LIMCH1: variants seen among roughly 807,000 people sequenced by gnomAD.
The protein encoded by LIMCH1 is LIM and calponin homology domains-containing protein 1.
A neutral mutation model predicts 176.5 loss-of-function variants in LIMCH1; 113 were observed. The ratio of observed to expected loss-of-function variants is 0.64; its 90% confidence interval spans 0.55 to 0.75. The LOEUF (loss-of-function observed/expected upper bound fraction) is 0.75, where lower values mean the gene tolerates loss of function less well. Among genes scored for constraint, LIMCH1 ranks in the 30% least tolerant of loss-of-function variants. LIMCH1 has a pLI of 0.00. For synonymous variants in LIMCH1, 619 were observed against 645.9 expected (o/e 0.96, Z 0.63); for missense variants, 1,674 against 1,814.9 (o/e 0.92, Z 1.41).
chr4:41,524,320 A>T lies in LIMCH1; in HGVS notation c.168-89A>T, dbSNP rs980991018. ...TTTAAATTCACTGCTTTTCCTATCC[A>T]GCAATTTAGCTGTAGCCCCGGATAA... On this transcript the variant is annotated intron_variant, in intron 2 of 26. Coordinates refer to the LIMCH1 transcript ENST00000313860. 2.8e-5 allele frequency: 27 copies of T among 962,760 alleles called. No homozygotes were observed. The African/African-American group carries it at 4.0e-4, about 14-fold the overall frequency. 59.6% of individuals were successfully genotyped at this position (962,760 alleles called of 1,614,324 possible).
intron 22 of LIMCH1, among the ~76,000 whole-genome samples, chr4:41,673,845 G>A (rs2095130771): frequency 6.6e-6 from 1 of 152,170 alleles, no homozygotes; most frequent in African/African-American, 2.4e-5. Flanking sequence ...TGGGTTAAAT[G>A]CTGTCCATTC....
At chr4:41,367,149 CAT>C (rs894859115) in intron 1 of LIMCH1, among the ~76,000 whole-genome samples, 6 of 152,146 alleles carry the variant, frequency 3.9e-5, no homozygotes, top group Non-Finnish European at 7.3e-5. Flanking sequence ...CCTGTCCTGA[CAT>C]GTGGGGATTA....
intron 1 of LIMCH1, among the ~76,000 whole-genome samples, chr4:41,441,844 A>T (rs193050334): frequency 5.3e-5 from 8 of 152,318 alleles, no homozygotes; most frequent in Admixed American, 2.6e-4. Context: ...GGTATAAGCA[A>T]TATTAATTTT....
intron 3 of LIMCH1, among the ~76,000 whole-genome samples, chr4:41,530,787 C>T (rs2077177308): frequency 9.6e-6 from 1 of 104,586 alleles, no homozygotes; most frequent in Admixed American, 9.2e-5. Context: ...AAGAGCGAAA[C>T]CCCGCCTAAA....
At chr4:41,628,554 A>G (rs1052615290) in intron 8 of LIMCH1, among the ~76,000 whole-genome samples, 6 of 152,188 alleles carry the variant, frequency 3.9e-5, no homozygotes, top group African/African-American at 1.4e-4. Context: ...TCAAGGTAAC[A>G]AAAGACTACC....
chr4:41,607,968 CAGTT>C (rs1211319522), intron 4 of LIMCH1, among the ~76,000 whole-genome samples: 1 of 152,144 alleles, frequency 6.6e-6, no homozygotes, highest in African/African-American at 2.4e-5. Flanking sequence ...CTCATTTTGT[CAGTT>C]AGGATCGGGT....
At chr4:41,456,545 G>C (rs780543831) in intron 1 of LIMCH1, among the ~76,000 whole-genome samples, 1 of 152,136 alleles carries the variant, frequency 6.6e-6, no homozygotes, top group Non-Finnish European at 1.5e-5. Flanking sequence ...TGACAGAGAC[G>C]CTAAGGCAGA....
intron 1 of LIMCH1, chr4:41,551,409 T>C (rs2080400993): frequency 6.6e-6 from 1 of 152,202 alleles, no homozygotes; most frequent in Admixed American, 6.5e-5. Context: ...AGACTTGCTT[T>C]TCTTTATATA....
At position 41,606,951 on chromosome 4, in the gene LIMCH1, A is replaced by G. The variant is rs1298264934; in HGVS notation, c.9+947A>G. Among the ~76,000 whole-genome samples the G allele has an allele frequency of 3.3e-5, 5 of 152,234 alleles. No individual in the cohort carries two copies. The South Asian group carries it at 6.2e-4, about 19-fold the overall frequency. On this transcript the variant is annotated intron_variant, in intron 4 of 31. Transcript: ENST00000503057. ...GTAGCTGGGATTATAGGCAGCCACC[A>G]CTAAGCCTGGCTAATTTTTGTATTT... is the stretch of plus-strand genomic sequence containing the variant.
chr4:41,399,406 T>C (rs569650539), intron 1 of LIMCH1, among the ~76,000 whole-genome samples: 1 of 152,226 alleles, frequency 6.6e-6, no homozygotes, highest in East Asian at 1.9e-4. Context: ...AGTAAGGAGA[T>C]GGAAGAAGTT....
At chr4:41,689,390 C>T (rs554659167) in intron 29 of LIMCH1, 137 bp from the exon 30 acceptor site, 1 of 552,310 alleles carries the variant, frequency 1.8e-6, no homozygotes, top group South Asian at 2.1e-5. Context: ...ATCATCAGTT[C>T]TGTCATTCTC....
chr4:41,597,371 T>C (rs1225605705), intron 1 of LIMCH1, among the ~76,000 whole-genome samples: 1 of 152,208 alleles, frequency 6.6e-6, no homozygotes, highest in African/African-American at 2.4e-5. Flanking sequence ...TAATGCATGG[T>C]GAATAATAAG....
At chr4:41,399,967 C>T (rs1463468756) in intron 1 of LIMCH1, among the ~76,000 whole-genome samples, 5 of 149,080 alleles carry the variant, frequency 3.4e-5, no homozygotes. Flanking sequence ...CAGGCGTGAG[C>T]CACCGTGCCC....
At chr4:41,378,355 C>G (rs1055879144) in intron 1 of LIMCH1, among the ~76,000 whole-genome samples, 3 of 152,196 alleles carry the variant, frequency 2.0e-5, no homozygotes, top group Admixed American at 6.5e-5. Flanking sequence ...TATTTGGCCT[C>G]TCTGTGCTTT....
In LIMCH1 at chr4:41,465,363, C is replaced by T. The variant is rs1285685066; in HGVS notation, c.97-29173C>T. ...TCAAGTGGTGATGAGTCTCAAGTCC[C>T]GCTGCCAGCACACCAGTGAGGTCCA... On this transcript the variant is annotated intron_variant, in intron 1 of 26. Coordinates refer to the LIMCH1 transcript ENST00000313860. Among the ~76,000 whole-genome samples the T allele has an allele frequency of 7.2e-5, 11 of 152,226 alleles. No homozygotes were observed. The East Asian group carries it at 1.9e-3, about 27-fold the overall frequency.
chr4:41,677,837 AAAATAAAT>A (rs200541073), intron 23 of LIMCH1, among the ~76,000 whole-genome samples: 9 of 151,932 alleles, frequency 5.9e-5, no homozygotes, highest in South Asian at 2.1e-4. Context: ...TGATTTTACA[AAAATAAAT>A]AAATAAATAA....
intron 23 of LIMCH1, among the ~76,000 whole-genome samples, chr4:41,679,065 C>A (rs1241926457): frequency 3.3e-5 from 5 of 152,136 alleles, no homozygotes; most frequent in African/African-American, 1.2e-4. Flanking sequence ...CCTAAGATAC[C>A]AATGAAACAG....
chr4:41,673,034 C>G (rs2095103880), intron 22 of LIMCH1, among the ~76,000 whole-genome samples: 1 of 152,150 alleles, frequency 6.6e-6, no homozygotes, highest in African/African-American at 2.4e-5. Context: ...TCCAAGAGGC[C>G]CACCATAGTC....
chr4:41,361,466 G>A (rs1367011934), intron 1 of LIMCH1, among the ~76,000 whole-genome samples: 1 of 152,170 alleles, frequency 6.6e-6, no homozygotes, highest in Non-Finnish European at 1.5e-5. Context: ...TCCTGGCACC[G>A]GGTCAGGTGT....
Sources: gnomAD v4.1 joint callset for allele counts (sites outside exome capture counted in the v4.1 genomes callset) on GRCh38, gnomAD v4.1.1 for gene constraint, MANE v1.5 for transcripts, NCBI Gene and HGNC (gene_info 2026-07-23, HGNC 2026-07-21) for gene names.